The following DLG2 variants were observed in gnomAD, a reference collection of about 807,000 sequenced individuals.
The protein encoded by DLG2 is discs large MAGUK scaffold protein 2.
In DLG2, 45 loss-of-function variants were observed where a neutral mutation model predicts 132.5. That is an observed-to-expected ratio of 0.34 (90% CI 0.27 to 0.44). The LOEUF (loss-of-function observed/expected upper bound fraction) is 0.44, where lower values mean the gene tolerates loss of function less well. DLG2 is among the 20% of genes least tolerant of loss of function. DLG2 has a pLI of 1.00. For missense variants in DLG2, 1,045 were observed against 1,196.9 expected (o/e 0.87, Z 1.87); for synonymous variants, 424 against 419.6 (o/e 1.01, Z -0.13).
intron 2 of DLG2, among the ~76,000 whole-genome samples, chr11:85,619,791 G>A (rs554820008): frequency 2.0e-4 from 31 of 151,624 alleles, no homozygotes; most frequent in Non-Finnish European, 3.8e-4. Flanking sequence ...CCGAGATTGC[G>A]CAACTGCACT....
intron 6 of DLG2, among the ~76,000 whole-genome samples, chr11:85,077,029 A>G: frequency 6.6e-6 from 1 of 152,038 alleles, no homozygotes; most frequent in Non-Finnish European, 1.5e-5. Context: ...TTGAACCTCA[A>G]AGAAATCACA....
chr11:84,427,448 G>C (rs2098970510), intron 7 of DLG2, among the ~76,000 whole-genome samples: 1 of 152,080 alleles, frequency 6.6e-6, no homozygotes, highest in Admixed American at 6.6e-5. Flanking sequence ...CAGGTCTACA[G>C]TCTTTCACTG....
chr11:84,334,006 C>T (rs1324385619), intron 7 of DLG2, among the ~76,000 whole-genome samples: 1 of 152,132 alleles, frequency 6.6e-6, no homozygotes, highest in Non-Finnish European at 1.5e-5. Context: ...TAGGGCCTGC[C>T]TGTAGAGGGG....
chr11:85,355,110 T>G (rs1329372752), intron 3 of DLG2, among the ~76,000 whole-genome samples: 1 of 152,162 alleles, frequency 6.6e-6, no homozygotes, highest in Non-Finnish European at 1.5e-5. Flanking sequence ...ACATGAAATT[T>G]TTGTGGTATA....
At chr11:85,048,034 G>A (rs1183042553) in intron 6 of DLG2, among the ~76,000 whole-genome samples, 1 of 151,836 alleles carries the variant, frequency 6.6e-6, no homozygotes, top group African/African-American at 2.4e-5. Context: ...CTTCCTAATA[G>A]TCTACTAATT....
chr11:83,966,807 C>T (rs1417230939), intron 12 of DLG2, among the ~76,000 whole-genome samples: 1 of 152,024 alleles, frequency 6.6e-6, no homozygotes, highest in Non-Finnish European at 1.5e-5. Context: ...ATTTTATTAA[C>T]TATAGTCTTT....
Position 83,619,452 on chromosome 11 carries a change from G to A in DLG2, c.1940+13759C>T, listed in dbSNP as rs563192592. Among the ~76,000 whole-genome samples the A allele has an allele frequency of 5.3e-5, 8 of 152,318 alleles. No homozygotes were observed. In the East Asian group the frequency reaches 1.5e-3, roughly 29 times the overall value. On this transcript the variant is annotated intron_variant, in intron 19 of 27. Transcript: ENST00000376104. ...GGTATTTGGCATAGGACAGAATTGA[G>A]TTTTTATCATGTTGTCCTTCTTTGC...
chr11:85,090,636 T>C (rs1420348310), intron 6 of DLG2, among the ~76,000 whole-genome samples: 1 of 152,186 alleles, frequency 6.6e-6, no homozygotes, highest in African/African-American at 2.4e-5. Flanking sequence ...CAATATCTCA[T>C]TAGCATTTTT....
rs147081405 is a variant in DLG2, at chr11:83,798,115, T to C, written c.1723-11323A>G. On this transcript the variant is annotated intron_variant, in intron 17 of 27. Coordinates refer to ENST00000376104, the MANE Select transcript of DLG2 (RefSeq NM_001142699.3). ...GAGCAAATGCTCATGGCTGCCAAGG[T>C]TTTCCACCACAGCTCATGTCATCTG... is the stretch of plus-strand genomic sequence containing the variant. 1.2e-3 allele frequency among the ~76,000 whole-genome samples: 179 copies of C among 152,162 alleles called. 2 individuals are homozygous for C. In the East Asian group the frequency reaches 0.028, roughly 24 times the overall value.
intron 3 of DLG2, among the ~76,000 whole-genome samples, chr11:85,503,915 C>T (rs2093864912): frequency 6.6e-6 from 1 of 151,984 alleles, no homozygotes; most frequent in African/African-American, 2.4e-5. Flanking sequence ...CTGGGCAACA[C>T]AGTGAGACCC....
At chr11:84,413,409 T>G (rs941336058) in intron 7 of DLG2, among the ~76,000 whole-genome samples, 27 of 152,260 alleles carry the variant, frequency 1.8e-4, no homozygotes, top group African/African-American at 6.5e-4. Flanking sequence ...CAGAAGATAT[T>G]TGAGTTGCTG....
chr11:85,057,369 A>G (rs1253455125), intron 6 of DLG2, among the ~76,000 whole-genome samples: 1 of 151,664 alleles, frequency 6.6e-6, no homozygotes, highest in Non-Finnish European at 1.5e-5. Context: ...ACATCACTTC[A>G]GATCTTACCA....
chr11:84,029,201 G>A (rs1305006782), intron 11 of DLG2, among the ~76,000 whole-genome samples: 1 of 151,982 alleles, frequency 6.6e-6, no homozygotes, highest in Admixed American at 6.6e-5. Context: ...TGGAATTGTG[G>A]AGTCTGCCAG....
intron 3 of DLG2, among the ~76,000 whole-genome samples, chr11:85,562,498 T>C (rs1280335450): frequency 6.6e-6 from 1 of 151,814 alleles, no homozygotes; most frequent in African/African-American, 2.4e-5. Context: ...TCAATTTGCA[T>C]ATTAAAAACT....
intron 10 of DLG2, among the ~76,000 whole-genome samples, chr11:84,093,324 C>T (rs1237248803): frequency 6.6e-6 from 1 of 152,146 alleles, no homozygotes; most frequent in Non-Finnish European, 1.5e-5. Flanking sequence ...TGGCTGTCAG[C>T]CTGGGGGCCT....
At position 83,693,704 on chromosome 11, in the gene DLG2, T is replaced by C. The variant is rs2081386929; in HGVS notation, c.1826-60379A>G. Reference sequence around the variant, plus strand: ...GCTCTCCGGGTGAATAATGCCAAAGTATTTGATTGCTATTGTCTCTCTTTC... The same window carrying C: ...GCTCTCCGGGTGAATAATGCCAAAGCATTTGATTGCTATTGTCTCTCTTTC... On this transcript the variant is annotated intron_variant, in intron 18 of 27. Coordinates refer to ENST00000376104, the MANE Select transcript of DLG2 (RefSeq NM_001142699.3). 2.0e-5 allele frequency: 3 copies of C among 152,340 alleles called. No individual in the cohort carries two copies. The South Asian group carries it at 6.2e-4, about 32-fold the overall frequency. The allele number at this position is 152,340 out of a possible 1,614,324, so 9.4% of individuals were successfully genotyped here. A position where few individuals can be genotyped will look rare whatever the true frequency, so the allele number is the denominator to read the frequency against.
intron 11 of DLG2, among the ~76,000 whole-genome samples, chr11:84,048,687 C>T (rs1373511873): frequency 6.6e-6 from 1 of 151,694 alleles, no homozygotes; most frequent in Non-Finnish European, 1.5e-5. Context: ...AGTAATCAAA[C>T]CAGTTGTACA....
chr11:83,499,850 GAGATATATATATATAT>G lies in DLG2; in HGVS notation c.2194-15638_2194-15623del, dbSNP rs1209845606. On this transcript the variant is annotated intron_variant, in intron 21 of 27. Coordinates refer to ENST00000376104, the MANE Select transcript of DLG2 (RefSeq NM_001142699.3). ...ATATATATATTTCCTCCACTAATAG[GAGATATATATATATAT>G]ATATATATATATATATATATATATA... Among the ~76,000 whole-genome samples the G allele has an allele frequency of 8.5e-3, 500 of 58,768 alleles. 13 individuals are homozygous for G. The highest frequency in any genetic ancestry group is 0.026 in the African/African-American group (414 of 16,068). The allele number at this position is 58,768 out of a possible 152,430, so 38.6% of individuals were successfully genotyped here.
At chr11:84,839,988 A>T (rs1337804061) in intron 6 of DLG2, among the ~76,000 whole-genome samples, 1 of 152,182 alleles carries the variant, frequency 6.6e-6, no homozygotes, top group East Asian at 1.9e-4. Flanking sequence ...AAATTGACAG[A>T]TGAGATCCAA....
Sources: allele counts gnomAD v4.1 joint callset (sites outside exome capture counted in the v4.1 genomes callset), GRCh38; gene constraint gnomAD v4.1.1; transcripts MANE v1.5; gene names NCBI Gene and HGNC (gene_info 2026-07-23, HGNC 2026-07-21).